PMS1: variants seen among roughly 807,000 people sequenced by gnomAD.
The protein encoded by PMS1 is PMS1 homolog 1, mismatch repair system component, also known as PMS1 protein homolog 1.
PMS1 carries 79 observed loss-of-function variants against 93.1 expected under a neutral mutation model. That is an observed-to-expected ratio of 0.85 (90% CI 0.71 to 1.02). The LOEUF is 1.02. Ranked by LOEUF, PMS1 falls within the 50% of genes least tolerant of loss-of-function variation. The pLI is 0.00. For missense variants in PMS1, 1,064 were observed against 1,085.3 expected (o/e 0.98, Z 0.28); for synonymous variants, 335 against 363.4 (o/e 0.92, Z 0.89).
At chr2:189,871,029 A>G (rs1423530901) in intron 11 of PMS1, among the ~76,000 whole-genome samples, 1 of 152,244 alleles carries the variant, frequency 6.6e-6, no homozygotes, top group South Asian at 2.1e-4. Context: ...TACATGAAGC[A>G]TAGTGCCAGC....
At position 189,805,670 on chromosome 2, in the gene PMS1, A is replaced by AG; in HGVS notation, c.334_335insG (p.Thr112SerfsTer4). The AG allele has an allele frequency of 6.2e-7, 1 of 1,613,686 alleles. No homozygotes were observed. Among genetic ancestry groups the AG allele is most frequent in the South Asian group, 1.1e-5 (1 of 91,080 alleles). The stretch of plus-strand genomic sequence containing the variant: ...CCCCCAGGTTTTAATTACAACAAGA[A>AG]CGGCTGCTGATAATTTTAGCACCCA... On this transcript the variant is annotated frameshift_variant, in exon 4 of 13. Transcript: ENST00000441310. LOFTEE classifies it high-confidence loss of function.
intron 11 of PMS1, among the ~76,000 whole-genome samples, chr2:189,869,047 T>C (rs963563997): frequency 2.0e-5 from 3 of 152,234 alleles, no homozygotes; most frequent in Admixed American, 6.5e-5. Flanking sequence ...AAGTAGGTTC[T>C]ATTACTGTCC....
chr2:189,860,484 A>G (rs1194731051), intron 9 of PMS1, among the ~76,000 whole-genome samples: 1 of 152,008 alleles, frequency 6.6e-6, no homozygotes, highest in Non-Finnish European at 1.5e-5. Flanking sequence ...TCTCCAGTTG[A>G]TGGACATTTG....
chr2:189,792,014 T>A, intron 2 of PMS1, 73 bp downstream of exon 2: 1 of 1,307,298 alleles, frequency 7.6e-7, no homozygotes, highest in Non-Finnish European at 1.1e-6. Context: ...CTCCTTAAAC[T>A]GTTACCTTTA....
chr2:189,786,527 G>C (rs1325029102), intron 1 of PMS1, among the ~76,000 whole-genome samples: 1 of 152,132 alleles, frequency 6.6e-6, no homozygotes, highest in Non-Finnish European at 1.5e-5. Flanking sequence ...TGCTTTATGT[G>C]CTTGGATGGA....
chr2:189,841,093 A>G (rs1227235056), intron 5 of PMS1, among the ~76,000 whole-genome samples: 3 of 152,196 alleles, frequency 2.0e-5, no homozygotes, highest in Non-Finnish European at 4.4e-5. Flanking sequence ...TTGGCAAAGT[A>G]AAAGGAGTGA....
chr2:189,834,527 T>C (rs1233243), intron 5 of PMS1, among the ~76,000 whole-genome samples: 2,698 of 152,270 alleles, frequency 0.018, 77 homozygotes, highest in African/African-American at 0.061. Context: ...GAAAATGATC[T>C]CGTTGTCTGG....
intron 5 of PMS1, among the ~76,000 whole-genome samples, chr2:189,832,291 G>A (rs1442018294): frequency 1.3e-5 from 2 of 152,144 alleles, no homozygotes; most frequent in African/African-American, 4.8e-5. Flanking sequence ...AATCTATAGG[G>A]TGTTCTATTA....
chr2:189,814,913 T>C (rs905496064), intron 4 of PMS1, among the ~76,000 whole-genome samples: 5 of 151,884 alleles, frequency 3.3e-5, no homozygotes, highest in South Asian at 2.1e-4. Context: ...CTGGCTAACA[T>C]GGTGAAACCC....
intron 9 of PMS1, among the ~76,000 whole-genome samples, chr2:189,861,758 A>AG: frequency 6.6e-6 from 1 of 152,122 alleles, no homozygotes; most frequent in East Asian, 1.9e-4. Context: ...AAAAAAAAAA[A>AG]AAAAGATTTC....
At chr2:189,860,400 T>A (rs1441188507) in intron 9 of PMS1, among the ~76,000 whole-genome samples, 2 of 152,122 alleles carry the variant, frequency 1.3e-5, no homozygotes, top group African/African-American at 4.8e-5. Context: ...GTTGAATCTA[T>A]GTGTAGTAGT....
chr2:189,839,071 A>C (rs2106397841), intron 5 of PMS1, among the ~76,000 whole-genome samples: 1 of 152,044 alleles, frequency 6.6e-6, no homozygotes, highest in Non-Finnish European at 1.5e-5. Context: ...AGCTCACTGC[A>C]ACCTCCATCT....
chr2:189,818,909 AGT>A (rs982028847), intron 5 of PMS1, among the ~76,000 whole-genome samples: 4 of 152,204 alleles, frequency 2.6e-5, no homozygotes, highest in African/African-American at 7.2e-5. Flanking sequence ...TCTTTGGAAG[AGT>A]GTGTGTGTCA....
intron 6 of PMS1, 63 bp from the exon 7 acceptor site, chr2:189,852,592 T>G: frequency 6.9e-7 from 1 of 1,440,348 alleles, no homozygotes; most frequent in Non-Finnish European, 9.8e-7. Flanking sequence ...TTCAAAGTGT[T>G]ATATATAGCC....
intron 1 of PMS1, among the ~76,000 whole-genome samples, chr2:189,790,890 G>A (rs2048804923): frequency 6.6e-6 from 1 of 152,166 alleles, no homozygotes; most frequent in Non-Finnish European, 1.5e-5. Context: ...AATTCCTGTA[G>A]GAAAGTTGTG....
chr2:189,845,386 C>G (rs1011371363), intron 6 of PMS1, among the ~76,000 whole-genome samples: 4 of 152,032 alleles, frequency 2.6e-5, no homozygotes, highest in Non-Finnish European at 5.9e-5. Flanking sequence ...GTACTCCCAT[C>G]AGTTGCTCAA....
In PMS1 at chr2:189,867,800, C is replaced by G; in HGVS notation, c.2344C>G (p.Leu782Val). 6.4e-7 allele frequency: 1 copy of G among 1,572,096 alleles called. No homozygotes were observed. The highest frequency in any genetic ancestry group is 8.8e-7 in the Non-Finnish European group (1 of 1,142,162). The change falls in exon 11 of 13, where the codon CTT becomes GTT. Residue 782 changes from leucine to valine, a missense_variant and splice_region_variant. By Grantham distance (32) the Leu-to-Val change is conservative (BLOSUM62 1). Coordinates refer to ENST00000441310, the MANE Select transcript of PMS1 (RefSeq NM_000534.5). Reference protein sequence around the residue: ...LEKPIMLTESLFNGSHYLDVL... With the variant: ...LEKPIMLTESVFNGSHYLDVL... ...AAAGGGCCATAATTTCTTTTTCAGT[C>G]TTTTTAATGGATCTCATTATTTAGA...
chr2:189,863,682 T>C lies in PMS1; in HGVS notation c.1857-61T>C. 9 of 1,292,604 alleles carry C rather than the reference T, an allele frequency of 7.0e-6. 1 individual carries two copies. In the South Asian group the frequency reaches 1.1e-4, roughly 16 times the overall value. The allele number at this position is 1,292,604 out of a possible 1,614,324, so 80.1% of individuals were successfully genotyped here. On this transcript the variant is annotated intron_variant, in intron 9 of 12. Coordinates refer to ENST00000441310, the MANE Select transcript of PMS1 (RefSeq NM_000534.5). Reference sequence around the variant, plus strand: ...GTACTTTATTTTTATAAAATTTACTTCAGATGGTTAATATATTTCTGATTA... The same window carrying C: ...GTACTTTATTTTTATAAAATTTACTCCAGATGGTTAATATATTTCTGATTA...
chr2:189,792,297 CT>C (rs2048935534), intron 2 of PMS1, among the ~76,000 whole-genome samples: 1 of 151,966 alleles, frequency 6.6e-6, no homozygotes, highest in African/African-American at 2.4e-5. Context: ...TCCCTTGTTA[CT>C]TTTTTCACAT....
Sources: allele counts gnomAD v4.1 joint callset (sites outside exome capture counted in the v4.1 genomes callset), GRCh38; gene constraint gnomAD v4.1.1; transcripts MANE v1.5; gene names NCBI Gene and HGNC (gene_info 2026-07-23, HGNC 2026-07-21).